The following PDZD2 variants were observed in gnomAD, a reference collection of about 807,000 sequenced individuals.
PDZD2 encodes the protein PDZ domain containing 2, also known as PDZ domain-containing protein 2.
In PDZD2, 90 loss-of-function variants were observed where a neutral mutation model predicts 220.7. The ratio of observed to expected loss-of-function variants is 0.41; its 90% CI spans 0.34 to 0.49. The LOEUF is 0.49. Ranked by LOEUF, PDZD2 falls within the 20% of genes least tolerant of loss-of-function variation. The pLI is 0.28. For synonymous variants in PDZD2, 1,375 were observed against 1,450.5 expected, an observed-to-expected ratio of 0.95 and a Z score of 1.18; for missense variants, 3,174 against 3,608.5, an observed-to-expected ratio of 0.88 and a Z score of 3.08.
At chr5:31,936,952 T>A (rs1273514665) in intron 2 of PDZD2, among the ~76,000 whole-genome samples, 1 of 152,156 alleles carries the variant, frequency 6.6e-6, no homozygotes, top group Non-Finnish European at 1.5e-5. Context: ...CCTGAATATT[T>A]GTCATGGAGT....
chr5:31,820,586 T>A (rs1429991711), intron 2 of PDZD2: 1 of 152,208 alleles, frequency 6.6e-6, no homozygotes, highest in Non-Finnish European at 1.5e-5. Flanking sequence ...GCAAGGGCCA[T>A]GCTAATCTTC....
intron 1 of PDZD2, among the ~76,000 whole-genome samples, chr5:31,780,476 G>A (rs569530025): frequency 1.2e-4 from 19 of 152,264 alleles, no homozygotes; most frequent in African/African-American, 4.6e-4. Context: ...GAACATTAAA[G>A]TAGAGCATTT....
chr5:31,734,732 A>G (rs1439207538), intron 1 of PDZD2, among the ~76,000 whole-genome samples: 3 of 152,140 alleles, frequency 2.0e-5, no homozygotes, highest in Non-Finnish European at 4.4e-5. Flanking sequence ...AGTTTGGGAA[A>G]TGGGGCTGAA....
chr5:31,956,231 G>C (rs992486048), intron 2 of PDZD2, among the ~76,000 whole-genome samples: 2 of 151,784 alleles, frequency 1.3e-5, no homozygotes, highest in African/African-American at 4.8e-5. Flanking sequence ...GTCTCCTACT[G>C]TACTGCTGCT....
rs757933877 is a variant in PDZD2, at chr5:32,088,006, C to T, written c.4558C>T (p.Leu1520=). The change falls in exon 20 of 25, where the codon CTG becomes TTG. Residue 1520 remains leucine (L), a synonymous_variant. Coordinates refer to ENST00000438447, the MANE Select transcript of PDZD2 (RefSeq NM_178140.4). The surrounding 1 kb of genome is among the most constrained non-coding windows in gnomAD (Gnocchi z 4.6). ...ACATTTTACTGTGAACAAAAACTTT[C>T]TGAGCAACTACTCTAGAAATTTTAG... ...DKHFTVNKNF[L]SNYSRNFSSF... The T allele has an allele frequency of 8.1e-6, 13 of 1,614,242 alleles. No individual in the cohort carries two copies. The highest frequency in any genetic ancestry group is 1.1e-5 in the Non-Finnish European group (13 of 1,180,028).
chr5:32,039,179 C>T (rs1051127018), intron 7 of PDZD2, among the ~76,000 whole-genome samples: 3 of 149,824 alleles, frequency 2.0e-5, no homozygotes, highest in Admixed American at 7.2e-5. Context: ...GATCTCGGCT[C>T]GCTGCAACCT....
chr5:32,085,143 T>C (rs913792528), intron 19 of PDZD2, among the ~76,000 whole-genome samples: 2 of 151,552 alleles, frequency 1.3e-5, no homozygotes, highest in Non-Finnish European at 2.9e-5. Context: ...TTCGTAGAGA[T>C]AGGGTTTCAC....
At chr5:31,810,109 C>A (rs1055797429) in intron 2 of PDZD2, among the ~76,000 whole-genome samples, 7 of 152,086 alleles carry the variant, frequency 4.6e-5, no homozygotes, top group African/African-American at 1.7e-4. Flanking sequence ...AACTTCATAC[C>A]CGTCTATCTA....
chr5:32,079,286 A>G (rs1160948137), intron 19 of PDZD2, among the ~76,000 whole-genome samples: 1 of 150,448 alleles, frequency 6.6e-6, no homozygotes, highest in Non-Finnish European at 1.5e-5. Flanking sequence ...AAAACAAAAA[A>G]AAAAAAGGAA....
intron 6 of PDZD2, among the ~76,000 whole-genome samples, chr5:32,020,246 G>A (rs868745745): frequency 2.6e-5 from 4 of 151,846 alleles, no homozygotes; most frequent in South Asian, 4.2e-4. Flanking sequence ...CTCGTGATCC[G>A]CCTGCCTTGA....
At chr5:32,003,644 T>A (rs556408607) in intron 5 of PDZD2, among the ~76,000 whole-genome samples, 1 of 152,362 alleles carries the variant, frequency 6.6e-6, no homozygotes, top group African/African-American at 2.4e-5. Context: ...TTCCACCATG[T>A]ACTGCTAAAC....
chr5:31,752,073 G>GTTTTTTTTTTTTTTTTTTTTT (rs3032803), intron 1 of PDZD2, among the ~76,000 whole-genome samples: 3 of 95,064 alleles, frequency 3.2e-5, no homozygotes, highest in African/African-American at 1.3e-4. Context: ...TTTTGGGTTT[G>GTTTTTTTTTTTTTTTTTTTTT]TTTTTTTTTT....
intron 2 of PDZD2, among the ~76,000 whole-genome samples, chr5:31,807,262 A>G (rs1754788690): frequency 6.6e-6 from 1 of 152,212 alleles, no homozygotes; most frequent in Non-Finnish European, 1.5e-5. Flanking sequence ...AAACGTGAGC[A>G]GAGCACAGTG....
intron 1 of PDZD2, among the ~76,000 whole-genome samples, chr5:31,752,296 C>A (rs1460875323): frequency 1.3e-5 from 2 of 151,686 alleles, no homozygotes; most frequent in Non-Finnish European, 2.9e-5. Flanking sequence ...TGCCTGTAAT[C>A]CCAGCGCTTT....
In PDZD2 at chr5:32,109,039, AAGTC is replaced by A. The variant is rs3062064; in HGVS notation, c.*914_*917del. On this transcript the variant is annotated 3_prime_UTR_variant, in exon 25 of 25. Transcript: ENST00000438447. ...GTCCAAGAGCAGACAAAAATATCACAAGTCAGTCAGTCACTGGGTTTCCATTTCT... is the reference window on the plus strand; with the variant it reads ...GTCCAAGAGCAGACAAAAATATCACAAGTCAGTCACTGGGTTTCCATTTCT... The A allele has an allele frequency of 0.57, 86,970 of 151,980 alleles. 25,492 individuals carry two copies. The highest frequency in any genetic ancestry group is 0.64 in the Non-Finnish European group (43,722 of 67,792). The allele number at this position is 151,980 out of a possible 1,614,324, so 9.4% of individuals were successfully genotyped here.
chr5:32,077,843 G>A (rs1741455258), intron 19 of PDZD2: 1 of 415,400 alleles, frequency 2.4e-6, no homozygotes, highest in Non-Finnish European at 4.5e-6. Context: ...TTTAATCCCA[G>A]CTACTTGGGA....
intron 1 of PDZD2, among the ~76,000 whole-genome samples, chr5:31,665,546 T>G (rs1424849654): frequency 6.6e-6 from 1 of 151,736 alleles, no homozygotes; most frequent in Non-Finnish European, 1.5e-5. Flanking sequence ...TGGGGGCAGG[T>G]GATTGGATCA....
intron 1 of PDZD2, among the ~76,000 whole-genome samples, chr5:31,652,545 C>A (rs1745391757): frequency 6.6e-6 from 1 of 152,066 alleles, no homozygotes; most frequent in South Asian, 2.1e-4. Context: ...TTCCTTTTTT[C>A]ATCCAACTAA....
chr5:31,864,667 G>C (rs866953479), intron 2 of PDZD2, among the ~76,000 whole-genome samples: 55 of 150,898 alleles, frequency 3.6e-4, no homozygotes, highest in Middle Eastern at 3.3e-3. Flanking sequence ...TTACAGGCAT[G>C]AACCACCACG....
Sources: gnomAD v4.1 joint callset for allele counts (sites outside exome capture counted in the v4.1 genomes callset) on GRCh38, gnomAD v4.1.1 for gene constraint, Gnocchi (gnomAD v3.1) non-coding constraint, MANE v1.5 for transcripts, NCBI Gene and HGNC (gene_info 2026-07-23, HGNC 2026-07-21) for gene names.